Variants in CHCHD6 observed in about 807,000 individuals in gnomAD.
CHCHD6 encodes the protein MICOS complex subunit MIC25.
In CHCHD6, 28 loss-of-function variants were observed where a neutral mutation model predicts 32.3. The ratio of observed to expected loss-of-function variants is 0.87; its 90% CI spans 0.64 to 1.19. The LOEUF is 1.19. Among genes scored for constraint, CHCHD6 ranks in the 50% most tolerant of loss-of-function variants. The pLI is 0.00. For missense variants in CHCHD6, 333 were observed against 307.0 expected (o/e 1.08, Z -0.63); for synonymous variants, 122 against 117.5 (o/e 1.04, Z -0.25).
At chr3:126,736,582 T>C (rs574743220) in intron 4 of CHCHD6, among the ~76,000 whole-genome samples, 4 of 152,176 alleles carry the variant, frequency 2.6e-5, no homozygotes, top group South Asian at 4.1e-4. Flanking sequence ...CATCTTATTA[T>C]TGGGAAAAGT....
chr3:126,814,890 A>C (rs1939811144), intron 4 of CHCHD6, among the ~76,000 whole-genome samples: 1 of 152,298 alleles, frequency 6.6e-6, no homozygotes, highest in South Asian at 2.1e-4. Flanking sequence ...TGGGGAAGGC[A>C]GTTTTGGGGA....
At chr3:126,825,414 G>A (rs971739625) in intron 4 of CHCHD6, among the ~76,000 whole-genome samples, 2 of 152,116 alleles carry the variant, frequency 1.3e-5, no homozygotes, top group Non-Finnish European at 2.9e-5. Context: ...GTAGTGTTCT[G>A]TATATGTCAA....
intron 4 of CHCHD6, among the ~76,000 whole-genome samples, chr3:126,844,544 G>A (rs1443728038): frequency 6.6e-6 from 1 of 151,932 alleles, no homozygotes; most frequent in Non-Finnish European, 1.5e-5. Context: ...TTTATACTTA[G>A]CATTTGCACA....
intron 4 of CHCHD6, among the ~76,000 whole-genome samples, chr3:126,798,831 C>T (rs748290901): frequency 2.6e-5 from 4 of 152,206 alleles, no homozygotes; most frequent in Non-Finnish European, 5.9e-5. Flanking sequence ...GGCTCCAGTG[C>T]CTGATTCATC....
At chr3:126,805,699 T>C (rs1008505027) in intron 4 of CHCHD6, among the ~76,000 whole-genome samples, 6 of 152,198 alleles carry the variant, frequency 3.9e-5, no homozygotes, top group Non-Finnish European at 7.3e-5. Flanking sequence ...TGGAAAAAAC[T>C]ACTTTAAAGT....
intron 5 of CHCHD6, among the ~76,000 whole-genome samples, chr3:126,903,284 A>G (rs910491910): frequency 2.0e-5 from 3 of 152,204 alleles, no homozygotes; most frequent in Non-Finnish European, 4.4e-5. Context: ...GATCTGATGC[A>G]GAGAACCACC....
intron 3 of CHCHD6, among the ~76,000 whole-genome samples, chr3:126,732,130 C>T (rs888759719): frequency 1.3e-5 from 2 of 150,870 alleles, no homozygotes; most frequent in Admixed American, 6.6e-5. Flanking sequence ...AACCTGAACC[C>T]TGCTTTTTTG....
chr3:126,898,671 TG>T (rs1421687330), intron 5 of CHCHD6, among the ~76,000 whole-genome samples: 4 of 152,150 alleles, frequency 2.6e-5, no homozygotes, highest in Non-Finnish European at 5.9e-5. Flanking sequence ...ACTGAGTAGC[TG>T]GGATTATAGG....
chr3:126,818,991 C>T (rs971711819), intron 4 of CHCHD6, among the ~76,000 whole-genome samples: 1 of 152,276 alleles, frequency 6.6e-6, no homozygotes, highest in Admixed American at 6.5e-5. Flanking sequence ...CTTGAAGCTG[C>T]CAGAATGATA....
chr3:126,864,192 TCCACCA>T (rs1942137116), intron 5 of CHCHD6, among the ~76,000 whole-genome samples: 1 of 113,934 alleles, frequency 8.8e-6, no homozygotes, highest in Non-Finnish European at 1.8e-5. Flanking sequence ...CTCCCCCTCC[TCCACCA>T]TCACCACCTC....
chr3:126,896,457 A>G (rs115585701), intron 5 of CHCHD6, among the ~76,000 whole-genome samples: 132 of 152,132 alleles, frequency 8.7e-4, no homozygotes, highest in African/African-American at 3.0e-3. Context: ...GCTTAGCTGT[A>G]TTTGCTCCCT....
At chr3:126,791,376 A>T (rs560221437) in intron 4 of CHCHD6, among the ~76,000 whole-genome samples, 1 of 152,208 alleles carries the variant, frequency 6.6e-6, no homozygotes, top group African/African-American at 2.4e-5. Context: ...TTAAGTCTGC[A>T]GAGTTTTCTG....
At chr3:126,718,059 T>C (rs1935104228) in intron 1 of CHCHD6, among the ~76,000 whole-genome samples, 1 of 152,060 alleles carries the variant, frequency 6.6e-6, no homozygotes, top group Non-Finnish European at 1.5e-5. Flanking sequence ...TGAGGGCAGG[T>C]TCAGGTTTGA....
chr3:126,898,253 G>A lies in CHCHD6; in HGVS notation c.496-16427G>A, dbSNP rs1030800950. On this transcript the variant is annotated intron_variant, in intron 5 of 7. Coordinates refer to ENST00000290913, the MANE Select transcript of CHCHD6 (RefSeq NM_032343.3). ...AGTAAAGCTGAACATTAAAACTTGG[G>A]AAAGTTTGTTTTGTTTTGCTATTTG... Among the ~76,000 whole-genome samples, 6 of 152,216 alleles carry A rather than the reference G, an allele frequency of 3.9e-5. 1 individual carries two copies. The highest frequency in any genetic ancestry group is 1.2e-4 in the African/African-American group (5 of 41,458).
chr3:126,832,517 G>T (rs922866741), intron 4 of CHCHD6, among the ~76,000 whole-genome samples: 2 of 152,120 alleles, frequency 1.3e-5, no homozygotes, highest in Non-Finnish European at 2.9e-5. Context: ...GATCCTTCCT[G>T]CAAACTTGTG....
intron 5 of CHCHD6, among the ~76,000 whole-genome samples, chr3:126,871,954 C>T (rs987753978): frequency 3.3e-5 from 5 of 152,082 alleles, no homozygotes; most frequent in African/African-American, 7.2e-5. Flanking sequence ...CATGAACCAC[C>T]GTGCCTGGAC....
At chr3:126,854,293 A>G (rs1172301505) in intron 5 of CHCHD6, among the ~76,000 whole-genome samples, 1 of 152,208 alleles carries the variant, frequency 6.6e-6, no homozygotes, top group Non-Finnish European at 1.5e-5. Context: ...AAATGCTTCC[A>G]GAAGGAGGTG....
chr3:126,869,595 A>C (rs1190683699), intron 5 of CHCHD6, among the ~76,000 whole-genome samples: 2 of 152,014 alleles, frequency 1.3e-5, no homozygotes, highest in Non-Finnish European at 2.9e-5. Context: ...GCCTCTAAAT[A>C]TCATTTGGCT....
At chr3:126,939,484 G>A (rs2078528663) in intron 6 of CHCHD6, among the ~76,000 whole-genome samples, 1 of 152,188 alleles carries the variant, frequency 6.6e-6, no homozygotes, top group Non-Finnish European at 1.5e-5. Context: ...TAGCCTGTGT[G>A]TGTTTGTGTG....
Sources: gnomAD v4.1 joint callset for allele counts (sites outside exome capture counted in the v4.1 genomes callset) on GRCh38, gnomAD v4.1.1 for gene constraint, MANE v1.5 for transcripts, NCBI Gene and HGNC (gene_info 2026-07-23, HGNC 2026-07-21) for gene names.